RORA: variants seen among roughly 807,000 people sequenced by gnomAD.
The protein encoded by RORA is nuclear receptor ROR-alpha.
RORA carries 7 observed loss-of-function variants against 69.5 expected under a neutral mutation model. The ratio of observed to expected loss-of-function variants is 0.10; its 90% CI spans 0.06 to 0.19. The LOEUF is 0.19. RORA is among the 10% of genes least tolerant of loss of function. The pLI is 1.00. For missense variants in RORA, 457 were observed against 663.0 expected (o/e 0.69, Z 3.41); for synonymous variants, 261 against 240.8 (o/e 1.08, Z -0.78).
intron 1 of RORA, among the ~76,000 whole-genome samples, chr15:61,029,472 G>A (rs1465156920): frequency 1.3e-5 from 2 of 152,102 alleles, no homozygotes; most frequent in Non-Finnish European, 1.5e-5. Context: ...GAAGAGGAAA[G>A]GACACAATGG....
intron 1 of RORA, among the ~76,000 whole-genome samples, chr15:60,985,623 T>C (rs1384731676): frequency 1.5e-5 from 2 of 133,718 alleles, no homozygotes; most frequent in Non-Finnish European, 3.1e-5. Flanking sequence ...TCTCACTCTG[T>C]CACGAGGCTG....
In RORA at chr15:60,539,710, A is replaced by C. The variant is rs532158719; in HGVS notation, c.197-7859T>G. ...CCCAATAAATGATACCACCAGGATCAGCAATACAATCCTTTTTTTTTTCTT... is the reference window on the plus strand; with the variant it reads ...CCCAATAAATGATACCACCAGGATCCGCAATACAATCCTTTTTTTTTTCTT... On this transcript the variant is annotated intron_variant, in intron 2 of 10. Transcript: ENST00000335670. Among the ~76,000 whole-genome samples the C allele has an allele frequency of 1.1e-4, 17 of 152,344 alleles. No homozygotes were observed. The South Asian group carries it at 2.5e-3, about 22-fold the overall frequency.
At chr15:60,660,182 C>T (rs180789911) in intron 2 of RORA, among the ~76,000 whole-genome samples, 1 of 152,246 alleles carries the variant, frequency 6.6e-6, no homozygotes, top group East Asian at 1.9e-4. Context: ...CTTTTAGACG[C>T]TGACATTACT....
intron 1 of RORA, among the ~76,000 whole-genome samples, chr15:60,752,476 A>G (rs11633023): frequency 0.011 from 1,677 of 152,106 alleles, 15 homozygotes; most frequent in Non-Finnish European, 0.016. Flanking sequence ...GATATCTCCA[A>G]TGTTCCCTTC....
chr15:60,663,040 A>G (rs528826429), intron 2 of RORA, among the ~76,000 whole-genome samples: 36 of 152,256 alleles, frequency 2.4e-4, no homozygotes, highest in African/African-American at 6.7e-4. Flanking sequence ...CCTTGCTTCA[A>G]TTTGGTACAT....
intron 1 of RORA, among the ~76,000 whole-genome samples, chr15:60,696,289 G>A (rs1362760853): frequency 6.6e-6 from 1 of 152,040 alleles, no homozygotes; most frequent in Non-Finnish European, 1.5e-5. Context: ...AGGATCCAGG[G>A]GGAATCGGTC....
chr15:61,025,432 C>T (rs753869560), intron 1 of RORA, among the ~76,000 whole-genome samples: 5 of 152,206 alleles, frequency 3.3e-5, no homozygotes, highest in Non-Finnish European at 5.9e-5. Context: ...TCCTCCAAAG[C>T]AGCAGGGCAA....
rs568578891 is a variant in RORA at position 60,578,329 on chromosome 15, A to G, written c.197-46478T>C. Among the ~76,000 whole-genome samples, 8 of 152,304 alleles carry G rather than the reference A, an allele frequency of 5.3e-5. No homozygotes were observed. The South Asian group carries it at 1.2e-3, about 24-fold the overall frequency. The stretch of plus-strand genomic sequence containing the variant: ...AGGAATTATGTTGATTAATATCACT[A>G]CCCATACCATCAGAAAAGTTTTTAA... On this transcript the variant is annotated intron_variant, in intron 2 of 10. Transcript: ENST00000335670.
At chr15:60,781,881 G>A (rs1448489871) in intron 1 of RORA, among the ~76,000 whole-genome samples, 1 of 152,228 alleles carries the variant, frequency 6.6e-6, no homozygotes, top group Non-Finnish European at 1.5e-5. Flanking sequence ...GGGGAGCCCA[G>A]CAGCGTGAAC....
chr15:60,691,465 T>C (rs2070824315), intron 1 of RORA, among the ~76,000 whole-genome samples: 1 of 152,158 alleles, frequency 6.6e-6, no homozygotes, highest in Admixed American at 6.6e-5. Flanking sequence ...GAAAAACTTG[T>C]TAAGTGAATG....
intron 2 of RORA, among the ~76,000 whole-genome samples, chr15:60,594,520 TA>T (rs1165532492): frequency 6.6e-6 from 1 of 152,260 alleles, no homozygotes; most frequent in African/African-American, 2.4e-5. Context: ...AATGCTACTT[TA>T]AAACAGTATC....
chr15:60,522,080 G>A (rs909280536), intron 3 of RORA, among the ~76,000 whole-genome samples: 1 of 152,214 alleles, frequency 6.6e-6, no homozygotes, highest in Admixed American at 6.5e-5. Flanking sequence ...CAGGTTGCAA[G>A]AGCTGAGTGC....
intron 1 of RORA, among the ~76,000 whole-genome samples, chr15:60,956,873 G>A (rs1893281147): frequency 6.6e-6 from 1 of 152,194 alleles, no homozygotes; most frequent in Non-Finnish European, 1.5e-5. Flanking sequence ...TCAAGCACTG[G>A]AGGTCCTCCG....
intron 1 of RORA, among the ~76,000 whole-genome samples, chr15:60,756,442 A>G (rs16943068): frequency 0.027 from 4,167 of 152,314 alleles, 196 homozygotes; most frequent in African/African-American, 0.096. Context: ...GTTTATAAAG[A>G]CTGTGCATCT....
At position 60,562,433 on chromosome 15, in the gene RORA, G is replaced by T. The variant is rs550461405; in HGVS notation, c.197-30582C>A. On this transcript the variant is annotated intron_variant, in intron 2 of 10. Coordinates refer to ENST00000335670, the MANE Select transcript of RORA (RefSeq NM_134261.3). ...ACATTTTTTTTTTGAGGCGGGGTTG[G>T]GGGGGGGTTGCTTTTGTTTTGAGAC... Among the ~76,000 whole-genome samples the T allele has an allele frequency of 1.2e-3, 178 of 148,032 alleles. 1 individual carries two copies. Among genetic ancestry groups the T allele is most frequent in the Non-Finnish European group, 1.9e-3 (127 of 66,604 alleles).
chr15:61,155,569 G>A (rs868699292), intron 1 of RORA, among the ~76,000 whole-genome samples: 23 of 152,258 alleles, frequency 1.5e-4, no homozygotes, highest in South Asian at 8.3e-4. Flanking sequence ...AGTTGTGGCC[G>A]CAGCCATGGG....
intron 3 of RORA, among the ~76,000 whole-genome samples, chr15:60,517,742 G>T (rs1567054121): frequency 1.3e-5 from 2 of 152,198 alleles, no homozygotes; most frequent in Non-Finnish European, 2.9e-5. Context: ...CATCACTGTG[G>T]ATGCTTAAAA....
intron 1 of RORA, among the ~76,000 whole-genome samples, chr15:61,054,828 T>G (rs1190301884): frequency 9.9e-6 from 1 of 100,698 alleles, no homozygotes; most frequent in African/African-American, 3.6e-5. Flanking sequence ...TGTTTTTTGT[T>G]TTTTTTTTTT....
intron 1 of RORA, among the ~76,000 whole-genome samples, chr15:61,018,379 T>C (rs1161544220): frequency 2.0e-5 from 3 of 152,032 alleles, no homozygotes; most frequent in African/African-American, 7.3e-5. Context: ...CATTCTAAAA[T>C]TGCTTTGGGA....
Sources: allele counts gnomAD v4.1 joint callset (sites outside exome capture counted in the v4.1 genomes callset), GRCh38; gene constraint gnomAD v4.1.1; transcripts MANE v1.5; gene names NCBI Gene and HGNC (gene_info 2026-07-23, HGNC 2026-07-21).